CSMD1: variants seen among roughly 807,000 people sequenced by gnomAD.
CSMD1 encodes the protein CUB and sushi domain-containing protein 1.
Under a neutral mutation model 417.5 loss-of-function variants are expected in CSMD1, and 213 were observed. The observed-to-expected ratio is 0.51, with a 90% confidence interval of 0.46 to 0.57. CSMD1 has a LOEUF of 0.57. CSMD1 is among the 20% of genes least tolerant of loss of function. The pLI is 0.00. For synonymous variants in CSMD1, 2,862 were observed against 1,736.8 expected, an observed-to-expected ratio of 1.65 and a Z score of -16.11; for missense variants, 6,923 against 4,529.7, an observed-to-expected ratio of 1.53 and a Z score of -15.17.
At chr8:4,956,284 C>T (rs1388142405) in intron 1 of CSMD1, among the ~76,000 whole-genome samples, 3 of 151,512 alleles carry the variant, frequency 2.0e-5, no homozygotes, top group Non-Finnish European at 4.4e-5. Flanking sequence ...CTTGCATAGT[C>T]TCATAATTTT....
intron 2 of CSMD1, among the ~76,000 whole-genome samples, chr8:4,632,770 G>A (rs1044070127): frequency 1.3e-5 from 2 of 152,128 alleles, no homozygotes; most frequent in African/African-American, 4.8e-5. Context: ...GTTGTTGTTT[G>A]GAATGCCTAG....
At chr8:3,304,184 C>T (rs1386520280) in intron 25 of CSMD1, among the ~76,000 whole-genome samples, 1 of 151,962 alleles carries the variant, frequency 6.6e-6, no homozygotes, top group Non-Finnish European at 1.5e-5. Context: ...GTAATGATTA[C>T]ATTTATATTA....
chr8:4,837,039 T>A, intron 1 of CSMD1, among the ~76,000 whole-genome samples: 1 of 149,058 alleles, frequency 6.7e-6, no homozygotes, highest in South Asian at 2.1e-4. Context: ...TTGTTGTTGT[T>A]AAGAGACCAC....
At chr8:2,956,205 G>A (rs1203512340) in intron 63 of CSMD1, among the ~76,000 whole-genome samples, 1 of 151,836 alleles carries the variant, frequency 6.6e-6, no homozygotes, top group Non-Finnish European at 1.5e-5. Context: ...CCTTGATTTT[G>A]TTCTTGTGGA....
chr8:3,884,149 T>C (rs915024286), intron 5 of CSMD1, among the ~76,000 whole-genome samples: 4 of 152,158 alleles, frequency 2.6e-5, no homozygotes, highest in African/African-American at 9.6e-5. Context: ...CCTAAGAAAA[T>C]ATTTAGGGAA....
At chr8:4,311,333 G>T (rs143004881) in intron 3 of CSMD1, among the ~76,000 whole-genome samples, 2 of 152,310 alleles carry the variant, frequency 1.3e-5, no homozygotes, top group Middle Eastern at 3.4e-3. Context: ...AAAGGAATGC[G>T]ATCAAGTCCT....
chr8:4,197,628 C>A (rs771937125), intron 3 of CSMD1, among the ~76,000 whole-genome samples: 2 of 152,176 alleles, frequency 1.3e-5, no homozygotes, highest in African/African-American at 4.8e-5. Context: ...CCTGAAATCC[C>A]AGCATTTTGG....
chr8:3,136,019 C>T (rs986029551), intron 41 of CSMD1, among the ~76,000 whole-genome samples: 5 of 152,228 alleles, frequency 3.3e-5, no homozygotes, highest in Non-Finnish European at 7.4e-5. Context: ...CACTTCTTTC[C>T]TAAACTAGTT....
At chr8:3,810,380 T>C (rs1585032370) in intron 5 of CSMD1, among the ~76,000 whole-genome samples, 1 of 152,046 alleles carries the variant, frequency 6.6e-6, no homozygotes, top group Admixed American at 6.6e-5. Context: ...ATTTGGGAAA[T>C]ATGGTGACCC....
At chr8:4,350,358 T>C (rs1242066308) in intron 3 of CSMD1, among the ~76,000 whole-genome samples, 2 of 152,056 alleles carry the variant, frequency 1.3e-5, no homozygotes, top group Non-Finnish European at 2.9e-5. Context: ...AACCAAGAAA[T>C]GGAGAAAAAT....
In CSMD1 at chr8:3,920,252, C is replaced by T. The variant is rs561974930; in HGVS notation, c.818+77651G>A. 2.6e-5 allele frequency among the ~76,000 whole-genome samples: 4 copies of T among 152,092 alleles called. No individual in the cohort carries two copies. The East Asian group carries it at 7.8e-4, about 29-fold the overall frequency. ...GTCTCACCATGTTGCCCGGGATGCT[C>T]TTGAACTCCTGGGCTCAAGTGATCC... On this transcript the variant is annotated intron_variant, in intron 5 of 69. Transcript: ENST00000635120.
intron 10 of CSMD1, among the ~76,000 whole-genome samples, chr8:3,497,592 T>C (rs1469957775): frequency 6.6e-6 from 1 of 152,170 alleles, no homozygotes; most frequent in Non-Finnish European, 1.5e-5. Flanking sequence ...TTAAAGTCCA[T>C]GTTATCTGAT....
intron 10 of CSMD1, among the ~76,000 whole-genome samples, chr8:3,548,478 T>C (rs1798769400): frequency 6.6e-6 from 1 of 151,894 alleles, no homozygotes; most frequent in Non-Finnish European, 1.5e-5. Context: ...CCTCGAGGTC[T>C]ACCCTGCCAC....
At chr8:3,457,046 C>T (rs970414862) in intron 12 of CSMD1, among the ~76,000 whole-genome samples, 1 of 151,728 alleles carries the variant, frequency 6.6e-6, no homozygotes, top group African/African-American at 2.4e-5. Flanking sequence ...CTGTACCCCT[C>T]ATTCTGTACT....
intron 5 of CSMD1, among the ~76,000 whole-genome samples, chr8:3,913,002 T>A (rs1053801463): frequency 6.6e-6 from 1 of 152,244 alleles, no homozygotes; most frequent in South Asian, 2.1e-4. Flanking sequence ...GCCTACGCAC[T>A]GGTGACTATA....
chr8:4,590,418 A>G (rs911927505), intron 2 of CSMD1, among the ~76,000 whole-genome samples: 4 of 152,208 alleles, frequency 2.6e-5, no homozygotes, highest in Admixed American at 6.5e-5. Context: ...TATTAATTTT[A>G]TGTTATTCAT....
At chr8:4,159,672 T>C (rs2131090257) in intron 3 of CSMD1, among the ~76,000 whole-genome samples, 1 of 152,204 alleles carries the variant, frequency 6.6e-6, no homozygotes, top group Non-Finnish European at 1.5e-5. Context: ...CACTGCAAGC[T>C]CCCCCTCCCG....
intron 1 of CSMD1, among the ~76,000 whole-genome samples, chr8:4,819,056 G>A (rs17071573): frequency 1.3e-5 from 2 of 152,046 alleles, no homozygotes; most frequent in Admixed American, 6.6e-5. Flanking sequence ...CAGAATACCT[G>A]GAAGAGCAGC....
At chr8:4,768,746 G>T (rs144657126) in intron 1 of CSMD1, among the ~76,000 whole-genome samples, 25 of 152,312 alleles carry the variant, frequency 1.6e-4, no homozygotes, top group African/African-American at 5.1e-4. Context: ...CCTCTCCTTA[G>T]TGATGCTACT....
Sources: allele counts gnomAD v4.1 joint callset (sites outside exome capture counted in the v4.1 genomes callset), GRCh38; gene constraint gnomAD v4.1.1; transcripts MANE v1.5; gene names NCBI Gene and HGNC (gene_info 2026-07-23, HGNC 2026-07-21).